The following PCDHA3 variants were observed in gnomAD, a reference collection of about 807,000 sequenced individuals.
PCDHA3 encodes the protein protocadherin alpha 3.
PCDHA3 carries 41 observed loss-of-function variants against 62.2 expected under a neutral mutation model. The ratio of observed to expected loss-of-function variants is 0.66; its 90% CI spans 0.51 to 0.86. The LOEUF is 0.86. PCDHA3 is among the 40% of genes least tolerant of loss of function. The pLI, the probability that PCDHA3 is intolerant of heterozygous loss-of-function variation, is 0.00. For synonymous variants in PCDHA3, 640 were observed against 555.4 expected (o/e 1.15, Z -2.14); for missense variants, 1,304 against 1,241.2 (o/e 1.05, Z -0.76).
chr5:140,885,391 T>G, intron 1 of PCDHA3, among the ~76,000 whole-genome samples: 1 of 152,112 alleles, frequency 6.6e-6, no homozygotes, highest in East Asian at 1.9e-4. Context: ...TCCCTGCAAA[T>G]CTAATGGTTT....
chr5:140,941,809 TAG>T (rs1477400878), intron 1 of PCDHA3, among the ~76,000 whole-genome samples: 5 of 152,254 alleles, frequency 3.3e-5, no homozygotes, highest in Non-Finnish European at 5.9e-5. Context: ...TTGATTTCAG[TAG>T]GATGACTGCT....
At chr5:140,967,548 C>T (rs782750678) in intron 1 of PCDHA3, 15 of 1,613,922 alleles carry the variant, frequency 9.3e-6, no homozygotes, top group Non-Finnish European at 1.3e-5. Context: ...GACCAGTCCA[C>T]TTATCGCGTC....
chr5:141,007,679 T>A (rs1362984196), intron 3 of PCDHA3, among the ~76,000 whole-genome samples: 2 of 152,186 alleles, frequency 1.3e-5, no homozygotes, highest in Admixed American at 6.5e-5. Context: ...ACAAAAGTTA[T>A]CCTACTTCCA....
Position 140,993,501 on chromosome 5 carries a change from C to CAT in PCDHA3, c.2542+10939_2542+10940insTA, listed in dbSNP as rs1159844142. Among the ~76,000 whole-genome samples the CAT allele has an allele frequency of 9.9e-4, 148 of 149,100 alleles. 5 individuals carry two copies. In the East Asian group the frequency reaches 0.024, roughly 24 times the overall value. On this transcript the variant is annotated intron_variant, in intron 3 of 3. Transcript: ENST00000522353. ...ACACACACACACACACACACACACA[C>CAT]ACACACACGGGGAGAGAGAGACAGA...
intron 1 of PCDHA3, chr5:140,848,628 G>A (rs1324481449): frequency 6.3e-7 from 1 of 1,593,422 alleles, no homozygotes; most frequent in Non-Finnish European, 8.6e-7. Flanking sequence ...CGGCACCTTC[G>A]TGGGCCGCAT....
rs1554121379 is a variant in PCDHA3 at position 140,801,300 on chromosome 5, G to A, written c.103G>A (p.Val35Ile). The A allele has an allele frequency of 6.2e-7, 1 of 1,613,456 alleles. No individual in the cohort carries two copies. Among genetic ancestry groups the A allele is most frequent in the Non-Finnish European group, 8.5e-7 (1 of 1,179,926 alleles). ...EVGSGQLHYS[V>I]SEEAKHGTFV... is the part of the protein sequence containing the mutation. ...GGGGAGCGGCCAGCTCCACTACTCCGTCTCTGAGGAGGCCAAGCATGGCAC... is the reference window on the plus strand; with the variant it reads ...GGGGAGCGGCCAGCTCCACTACTCCATCTCTGAGGAGGCCAAGCATGGCAC... Residue 35 changes from valine (V) to isoleucine (I), a missense_variant, in exon 1 of 4, where the codon GTC becomes ATC. Physicochemically the swap from Val to Ile is conservative, Grantham distance 29. Transcript: ENST00000522353.
chr5:140,883,761 G>C, intron 1 of PCDHA3: 1 of 1,612,908 alleles, frequency 6.2e-7, no homozygotes, highest in Non-Finnish European at 8.5e-7. Flanking sequence ...GTGGAGCGGC[G>C]GGTGGGCGAG....
chr5:140,969,281 A>C, intron 1 of PCDHA3: 5 of 1,614,220 alleles, frequency 3.1e-6, no homozygotes, highest in Non-Finnish European at 3.4e-6. Context: ...AAGTGGTCAG[A>C]ATGCTGGGAA....
intron 1 of PCDHA3, chr5:140,824,095 A>G (rs2150132128): frequency 6.2e-7 from 1 of 1,614,170 alleles, no homozygotes; most frequent in Non-Finnish European, 8.5e-7. Context: ...CTTCAGTCCA[A>G]GCCTTCCTCA....
intron 3 of PCDHA3, among the ~76,000 whole-genome samples, chr5:140,997,288 T>C (rs1554255825): frequency 1.3e-5 from 2 of 152,222 alleles, no homozygotes; most frequent in African/African-American, 4.8e-5. Context: ...CACTTAACAA[T>C]GGGGATACAC....
chr5:140,850,365 G>T (rs2150481125), intron 1 of PCDHA3: 4 of 1,597,962 alleles, frequency 2.5e-6, no homozygotes, highest in Middle Eastern at 1.7e-4. Flanking sequence ...CCCGTTCCGC[G>T]TGGGGCTGTA....
Position 140,857,279 on chromosome 5 carries a change from G to T in PCDHA3, c.2394+53688G>T, listed in dbSNP as rs782434219. ...TTACTACTCATTGGTGCTGGACAGC[G>T]CTCTGGACCGCGAGAGGGTGTCGGC... On this transcript the variant is annotated intron_variant, in intron 1 of 3. Transcript: ENST00000522353. 22 of 1,598,726 alleles carry T rather than the reference G, an allele frequency of 1.4e-5. No homozygotes were observed. The East Asian group carries it at 4.7e-4, about 34-fold the overall frequency.
intron 2 of PCDHA3, among the ~76,000 whole-genome samples, chr5:140,979,601 C>T (rs1214449101): frequency 1.3e-5 from 2 of 152,160 alleles, no homozygotes; most frequent in African/African-American, 4.8e-5. Context: ...TTTAAATTAA[C>T]CTAGAGTAAC....
intron 1 of PCDHA3, chr5:140,834,869 C>G: frequency 6.2e-7 from 1 of 1,609,230 alleles, no homozygotes. Context: ...ATGCAGATAT[C>G]GGGGAGAACG....
At position 140,802,054 on chromosome 5, in the gene PCDHA3, C is replaced by A. The variant is rs17844253; in HGVS notation, c.857C>A (p.Ser286Ter). 2 of 1,614,034 alleles carry A rather than the reference C, an allele frequency of 1.2e-6. No homozygotes were observed. Among genetic ancestry groups the A allele is most frequent in the Non-Finnish European group, 1.7e-6 (2 of 1,180,042 alleles). ...DIAYSFNTDM[S>*]ADILSKFHLD... is the part of the protein sequence containing the mutation. ...GCGTATTCTTTCAATACGGACATGTCAGCAGATATTCTGTCAAAATTCCAT... is the reference window on the plus strand; with the variant it reads ...GCGTATTCTTTCAATACGGACATGTAAGCAGATATTCTGTCAAAATTCCAT... Residue 286 changes from serine to a stop codon, truncating the protein, a stop_gained, in exon 1 of 4, where the codon TCA becomes TAA. Transcript: ENST00000522353. LOFTEE classifies it high-confidence loss of function.
chr5:140,897,937 C>T (rs1487544322), intron 1 of PCDHA3, among the ~76,000 whole-genome samples: 7 of 152,184 alleles, frequency 4.6e-5, no homozygotes, highest in African/African-American at 1.7e-4. Flanking sequence ...CTCTGATGGC[C>T]AGTGATGATT....
At chr5:140,847,557 T>A (rs1457582246) in intron 1 of PCDHA3, 2 of 149,266 alleles carry the variant, frequency 1.3e-5, no homozygotes, top group Non-Finnish European at 3.0e-5. Context: ...AAAACAGAAA[T>A]TGCCCCGAGT....
intron 1 of PCDHA3, chr5:140,966,362 A>C: frequency 2.5e-6 from 1 of 400,494 alleles, no homozygotes; most frequent in Non-Finnish European, 4.4e-6. Flanking sequence ...GGGGCTGGAG[A>C]GGCTGAGCAG....
chr5:141,003,352 C>T (rs747533399), intron 3 of PCDHA3, among the ~76,000 whole-genome samples: 38 of 152,318 alleles, frequency 2.5e-4, no homozygotes, highest in Non-Finnish European at 1.5e-4. Context: ...TGCTCTGTCA[C>T]CCAGGCTGGA....
Sources: gnomAD v4.1 joint callset for allele counts (sites outside exome capture counted in the v4.1 genomes callset) on GRCh38, gnomAD v4.1.1 for gene constraint, MANE v1.5 for transcripts, NCBI Gene and HGNC (gene_info 2026-07-23, HGNC 2026-07-21) for gene names.